PTPRD: variants seen among roughly 807,000 people sequenced by gnomAD.
PTPRD encodes protein tyrosine phosphatase receptor type D.
A neutral mutation model predicts 214.5 loss-of-function variants in PTPRD; 34 were observed. The observed-to-expected ratio is 0.16, with a 90% CI of 0.12 to 0.21. PTPRD has a LOEUF of 0.21. Among genes scored for constraint, PTPRD ranks in the 10% least tolerant of loss-of-function variants. The pLI, the probability that PTPRD is intolerant of heterozygous loss-of-function variation, is 1.00. For missense variants in PTPRD, 2,545 were observed against 2,398.7 expected (o/e 1.06, Z -1.27); for synonymous variants, 1,128 against 845.7 (o/e 1.33, Z -5.79).
intron 9 of PTPRD, among the ~76,000 whole-genome samples, chr9:9,388,825 A>G (rs1205025562): frequency 2.6e-5 from 4 of 152,332 alleles, no homozygotes; most frequent in African/African-American, 9.6e-5. Flanking sequence ...CAGAAAGAAT[A>G]AATAATAAAA....
chr9:10,302,799 C>A (rs549801549), intron 3 of PTPRD, among the ~76,000 whole-genome samples: 13 of 152,214 alleles, frequency 8.5e-5, no homozygotes, highest in Non-Finnish European at 1.3e-4. Context: ...ACTTAGACGC[C>A]CACACAATAA....
chr9:9,299,829 A>G (rs1954574975), intron 9 of PTPRD, among the ~76,000 whole-genome samples: 1 of 151,336 alleles, frequency 6.6e-6, no homozygotes. Flanking sequence ...GATGAGGGAA[A>G]CCAAAGTCTT....
chr9:8,319,141 C>T (rs574805087), intron 45 of PTPRD, among the ~76,000 whole-genome samples: 33 of 152,054 alleles, frequency 2.2e-4, no homozygotes, highest in African/African-American at 7.7e-4. Context: ...CTTTGAAATC[C>T]GTCTGAAAGA....
intron 11 of PTPRD, among the ~76,000 whole-genome samples, chr9:8,995,345 A>G (rs1688014480): frequency 6.6e-6 from 1 of 152,120 alleles, no homozygotes; most frequent in South Asian, 2.1e-4. Context: ...TCTGAAATAT[A>G]CTGTAAAAGA....
intron 12 of PTPRD, among the ~76,000 whole-genome samples, chr9:8,697,441 G>C (rs965046357): frequency 1.3e-4 from 2 of 15,176 alleles, no homozygotes; most frequent in African/African-American, 2.9e-4. Flanking sequence ...TTTTTTTTTT[G>C]AGACAGAATT....
At chr9:9,963,728 C>G (rs917855640) in intron 4 of PTPRD, among the ~76,000 whole-genome samples, 2 of 152,098 alleles carry the variant, frequency 1.3e-5, no homozygotes, top group Non-Finnish European at 2.9e-5. Context: ...AAGCGATTAT[C>G]AACTAAAAGC....
chr9:8,556,152 G>A (rs2083687312), intron 14 of PTPRD, among the ~76,000 whole-genome samples: 5 of 152,178 alleles, frequency 3.3e-5, no homozygotes, highest in Admixed American at 3.3e-4. Flanking sequence ...CTGTCACTGA[G>A]AAAGCTAAAA....
At chr9:8,744,880 T>G (rs948833579) in intron 11 of PTPRD, among the ~76,000 whole-genome samples, 12 of 152,208 alleles carry the variant, frequency 7.9e-5, no homozygotes, top group African/African-American at 2.9e-4. Flanking sequence ...AAGATACTAT[T>G]AACAATTTAC....
intron 2 of PTPRD, among the ~76,000 whole-genome samples, chr9:10,445,753 T>C (rs2098794239): frequency 6.6e-6 from 1 of 151,822 alleles, no homozygotes; most frequent in South Asian, 2.1e-4. Context: ...TGCCTAAAAA[T>C]GAGCATAGGT....
intron 3 of PTPRD, among the ~76,000 whole-genome samples, chr9:10,052,681 A>T (rs1242250466): frequency 6.6e-6 from 1 of 152,196 alleles, no homozygotes; most frequent in South Asian, 2.1e-4. Flanking sequence ...ATCCAGGCTC[A>T]AACATGAGTT....
chr9:8,803,446 G>A (rs568451598), intron 11 of PTPRD, among the ~76,000 whole-genome samples: 1 of 152,216 alleles, frequency 6.6e-6, no homozygotes, highest in African/African-American at 2.4e-5. Context: ...AATCTACTCT[G>A]TTCAGATCCT....
chr9:9,136,260 T>C (rs2099850674), intron 10 of PTPRD, among the ~76,000 whole-genome samples: 1 of 151,506 alleles, frequency 6.6e-6, no homozygotes. Context: ...TTTAAGTCTC[T>C]AATTAACATC....
At chr9:8,707,186 A>G (rs893926181) in intron 12 of PTPRD, among the ~76,000 whole-genome samples, 9 of 152,228 alleles carry the variant, frequency 5.9e-5, no homozygotes, top group South Asian at 2.1e-4. Context: ...ATATGTGGGT[A>G]TATTACGGAA....
At chr9:10,259,688 A>C (rs1401083532) in intron 3 of PTPRD, among the ~76,000 whole-genome samples, 1 of 152,200 alleles carries the variant, frequency 6.6e-6, no homozygotes, top group Non-Finnish European at 1.5e-5. Context: ...GTGGGTATCA[A>C]CTTTAGTTCC....
intron 12 of PTPRD, among the ~76,000 whole-genome samples, chr9:8,648,954 A>AT (rs1479472830): frequency 6.6e-6 from 1 of 152,224 alleles, no homozygotes; most frequent in African/African-American, 2.4e-5. Context: ...AAAAATAATC[A>AT]TTTATTCTCT....
At chr9:10,385,638 G>C (rs986230941) in intron 2 of PTPRD, among the ~76,000 whole-genome samples, 1 of 151,698 alleles carries the variant, frequency 6.6e-6, no homozygotes, top group African/African-American at 2.4e-5. Context: ...GTGTGGGCTT[G>C]AGCAAATTAA....
At chr9:10,539,216 G>A (rs527773848) in intron 2 of PTPRD, among the ~76,000 whole-genome samples, 18 of 152,184 alleles carry the variant, frequency 1.2e-4, no homozygotes, top group East Asian at 1.9e-4. Flanking sequence ...GTGGAGTCTC[G>A]CTCTGTTGCC....
At chr9:8,414,092 C>A (rs1469662416) in intron 35 of PTPRD, among the ~76,000 whole-genome samples, 1 of 152,132 alleles carries the variant, frequency 6.6e-6, no homozygotes, top group South Asian at 2.1e-4. Context: ...GTAGGATACA[C>A]AGCAACAATT....
intron 26 of PTPRD, among the ~76,000 whole-genome samples, chr9:8,494,364 A>G (rs749801217): frequency 6.6e-6 from 1 of 152,238 alleles, no homozygotes; most frequent in Non-Finnish European, 1.5e-5. Context: ...ATTCTGCCAG[A>G]TAAATGGACT....
Sources: allele counts gnomAD v4.1 joint callset (sites outside exome capture counted in the v4.1 genomes callset), GRCh38; gene constraint gnomAD v4.1.1; transcripts MANE v1.5; gene names NCBI Gene and HGNC (gene_info 2026-07-23, HGNC 2026-07-21).